Variants in OOSP4B observed in about 807,000 individuals in gnomAD.
OOSP4B encodes oocyte secreted protein family member 4B, also known as oocyte-secreted protein 4B.
At chr11:60,027,343 T>A (rs1428631907) in intron 3 of OOSP4B, among the ~76,000 whole-genome samples, 1 of 152,124 alleles carries the variant, frequency 6.6e-6, no homozygotes, top group Admixed American at 6.5e-5. Flanking sequence ...TTTGGTTTTT[T>A]AAAGAACATG....
At chr11:60,019,580 G>T (rs560346738) in intron 1 of OOSP4B, 224 of 154,170 alleles carry the variant, frequency 1.5e-3, no homozygotes, top group Non-Finnish European at 2.3e-3. Context: ...AGATCTTCGC[G>T]GTGAGTATTA....
At chr11:60,028,586 A>G (rs1272580170) in intron 3 of OOSP4B, among the ~76,000 whole-genome samples, 1 of 152,140 alleles carries the variant, frequency 6.6e-6, no homozygotes, top group Non-Finnish European at 1.5e-5. Flanking sequence ...CTAGATTTTC[A>G]TACTTAGTTT....
chr11:60,028,515 C>T (rs544078537), intron 3 of OOSP4B, among the ~76,000 whole-genome samples: 2 of 152,236 alleles, frequency 1.3e-5, no homozygotes, highest in African/African-American at 4.8e-5. Context: ...TGTTTGACAT[C>T]ATCTTGAAGT....
At chr11:60,026,637 T>A (rs1407072008) in intron 3 of OOSP4B, among the ~76,000 whole-genome samples, 2 of 152,200 alleles carry the variant, frequency 1.3e-5, no homozygotes. Flanking sequence ...CTGCAAGGAA[T>A]GACTTGAAAT....
At chr11:60,029,553 G>A (rs1470999111) in intron 3 of OOSP4B, among the ~76,000 whole-genome samples, 3 of 152,034 alleles carry the variant, frequency 2.0e-5, no homozygotes, top group Non-Finnish European at 2.9e-5. Flanking sequence ...TATTGACCCC[G>A]GAGCCTCAAA....
At chr11:60,020,495 C>A (rs1186870256) in intron 1 of OOSP4B, among the ~76,000 whole-genome samples, 1 of 152,206 alleles carries the variant, frequency 6.6e-6, no homozygotes. Context: ...GGGGCGGGGG[C>A]CAGCCGGCGG....
At chr11:60,018,354 G>A (rs1854646907) in intron 1 of OOSP4B, among the ~76,000 whole-genome samples, 1 of 152,058 alleles carries the variant, frequency 6.6e-6, no homozygotes, top group East Asian at 1.9e-4. Context: ...TCACAACAGC[G>A]TTTGTCACTC....
intron 4 of OOSP4B, 94 bp from the exon 5 acceptor site, chr11:60,030,708 T>A (rs1204976761): frequency 5.0e-6 from 2 of 397,368 alleles, no homozygotes; most frequent in Non-Finnish European, 8.9e-6. Flanking sequence ...ACATTACTTC[T>A]AATTGAGCAC....
chr11:60,025,850 T>A (rs1854742349), intron 3 of OOSP4B, among the ~76,000 whole-genome samples: 1 of 152,230 alleles, frequency 6.6e-6, no homozygotes, highest in Non-Finnish European at 1.5e-5. Flanking sequence ...TTTTTGGCAC[T>A]AATACGAGGA....
At chr11:60,020,269 C>T (rs1340077702) in intron 1 of OOSP4B, among the ~76,000 whole-genome samples, 1 of 152,180 alleles carries the variant, frequency 6.6e-6, no homozygotes, top group African/African-American at 2.4e-5. Context: ...ACTCCTCAGC[C>T]CTTGGATGGT....
chr11:60,029,669 G>A, intron 3 of OOSP4B, 113 bp from the exon 4 acceptor site: 1 of 395,656 alleles, frequency 2.5e-6, no homozygotes, highest in Non-Finnish European at 4.5e-6. Flanking sequence ...TCCTCCACAA[G>A]TCAGTTATTT....
chr11:60,021,984 C>CAAAAA (rs34383931), intron 1 of OOSP4B: 4 of 81,832 alleles, frequency 4.9e-5, no homozygotes, highest in African/African-American at 4.9e-5. Flanking sequence ...ACTCTATCTC[C>CAAAAA]AAAAAAAAAA....
intron 4 of OOSP4B, 102 bp downstream of exon 4, chr11:60,030,031 G>A (rs1468939965): frequency 2.5e-6 from 1 of 395,032 alleles, no homozygotes; most frequent in Non-Finnish European, 4.5e-6. Flanking sequence ...GCTGCATGCT[G>A]AAATTGCTCT....
At chr11:60,019,825 T>G (rs1854669341) in intron 1 of OOSP4B, among the ~76,000 whole-genome samples, 1 of 152,236 alleles carries the variant, frequency 6.6e-6, no homozygotes, top group African/African-American at 2.4e-5. Context: ...CCTGCTTTTA[T>G]TCCCTTATCT....
rs941638695 is a variant in OOSP4B, at chr11:60,019,855, T to G, written c.22+2442T>G. 4.6e-5 allele frequency among the ~76,000 whole-genome samples: 7 copies of G among 152,318 alleles called. No homozygotes were observed. In the East Asian group the frequency reaches 1.4e-3, roughly 29 times the overall value. On this transcript the variant is annotated intron_variant, in intron 1 of 4. Coordinates refer to ENST00000642343, the Ensembl canonical transcript of OOSP4B. The stretch of plus-strand genomic sequence containing the variant: ...TTATCTGGCCCCACCCACATCCTGC[T>G]GATTGGTCCATTTTACAGAGAGCTG...
chr11:60,019,437 G>C (rs1023350439), intron 1 of OOSP4B: 6 of 177,652 alleles, frequency 3.4e-5, no homozygotes, highest in Middle Eastern at 2.2e-3. Flanking sequence ...ATGAAGCCGC[G>C]GACCCTCGCG....
At chr11:60,017,475 T>C (rs1590589994) in intron 1 of OOSP4B, 62 bp downstream of exon 1, 4 of 398,472 alleles carry the variant, frequency 1.0e-5, no homozygotes, top group African/African-American at 4.1e-5. Context: ...CAGGTATGCA[T>C]AAGAAATATC....
chr11:60,027,132 A>C lies in OOSP4B; in HGVS notation c.302+2127A>C, dbSNP rs372968656. Among the ~76,000 whole-genome samples, 66 of 152,072 alleles carry C rather than the reference A, an allele frequency of 4.3e-4. 1 individual carries two copies. The highest frequency in any genetic ancestry group is 1.6e-3 in the African/African-American group (65 of 41,476). On this transcript the variant is annotated intron_variant, in intron 3 of 4. Coordinates refer to ENST00000642343, the Ensembl canonical transcript of OOSP4B. ...ATAGTCCCCAGTAGGTAATTTTCTC[A>C]TTTTCCCCACTCCCGCCCCCACATT...
chr11:60,019,819 C>A (rs1437908415), intron 1 of OOSP4B, among the ~76,000 whole-genome samples: 2 of 152,192 alleles, frequency 1.3e-5, no homozygotes, highest in South Asian at 2.1e-4. Flanking sequence ...AGGCAGCCTG[C>A]TTTTATTCCC....
Sources: gnomAD v4.1 joint callset for allele counts (sites outside exome capture counted in the v4.1 genomes callset) on GRCh38, gnomAD v4.1.1 for gene constraint, MANE v1.5 for transcripts, NCBI Gene and HGNC (gene_info 2026-07-23, HGNC 2026-07-21) for gene names.